PIEZO2: variants seen among roughly 807,000 people sequenced by gnomAD.
The protein encoded by PIEZO2 is piezo type mechanosensitive ion channel component 2, also known as piezo-type mechanosensitive ion channel component 2.
In PIEZO2, 172 loss-of-function variants were observed where a neutral mutation model predicts 337.3. The ratio of observed to expected loss-of-function variants is 0.51; its 90% CI spans 0.45 to 0.58. The LOEUF is 0.58. Among genes scored for constraint, PIEZO2 ranks in the 20% least tolerant of loss-of-function variants. PIEZO2 has a pLI of 0.00. For synonymous variants in PIEZO2, 1,251 were observed against 1,228.5 expected, an observed-to-expected ratio of 1.02 and a Z score of -0.38; for missense variants, 3,028 against 3,391.3, an observed-to-expected ratio of 0.89 and a Z score of 2.66.
At position 10,682,007 on chromosome 18, in the gene PIEZO2, G is replaced by A; in HGVS notation, c.7686+97C>T. 1 of 1,208,176 alleles carries A rather than the reference G, an allele frequency of 8.3e-7. No homozygotes were observed. The highest frequency in any genetic ancestry group is 1.1e-6 in the Non-Finnish European group (1 of 887,280). 74.8% of individuals were successfully genotyped at this position (1,208,176 alleles called of 1,614,324 possible). Reference sequence around the variant, plus strand: ...CTGAGCAGTCAAATGCCGACAGCAGGGTCGGCAGCCCATGACTAAACACCC... The same window carrying A: ...CTGAGCAGTCAAATGCCGACAGCAGAGTCGGCAGCCCATGACTAAACACCC... On this transcript the variant is annotated intron_variant, in intron 50 of 55. Transcript: ENST00000674853. The surrounding 1 kb of genome is among the most constrained non-coding windows in gnomAD (Gnocchi z 5.6).
Position 10,681,666 on chromosome 18 carries a change from C to T in PIEZO2, c.7774G>A (p.Asp2592Asn). The T allele has an allele frequency of 1.3e-6, 2 of 1,587,316 alleles. No homozygotes were observed. The highest frequency in any genetic ancestry group is 1.7e-6 in the Non-Finnish European group (2 of 1,155,834). Residue 2592 changes from aspartate (D) to asparagine (N), a missense_variant, in exon 51 of 56, where the codon GAC becomes AAC. Asp to Asn is a conservative substitution (Grantham distance 23). Transcript: ENST00000674853. ...TACTATAGGGATTTACTTACGGTGT[C>T]CCTAGAAAAAGCTTGTATAAATTTG... ...FNKFIQAFSR[D>N]TGAMQFLENY... is the part of the protein sequence containing the mutation.
At chr18:11,043,194 C>T (rs149580728) in intron 2 of PIEZO2, among the ~76,000 whole-genome samples, 2,850 of 151,864 alleles carry the variant, frequency 0.019, 37 homozygotes, top group Middle Eastern at 0.048. Context: ...CAAACTGAGC[C>T]AAGCAAATGG....
intron 4 of PIEZO2, among the ~76,000 whole-genome samples, chr18:10,896,608 A>T (rs1328156887): frequency 6.6e-6 from 1 of 152,218 alleles, no homozygotes; most frequent in African/African-American, 2.4e-5. Flanking sequence ...ATCTGGAAGA[A>T]GCCACTGGAA....
In PIEZO2 at chr18:10,726,677, G is replaced by A; in HGVS notation, c.5029+4730C>T. The A allele has an allele frequency of 2.1e-6, 3 of 1,429,896 alleles. No individual in the cohort carries two copies. The highest frequency in any genetic ancestry group is 2.9e-6 in the Non-Finnish European group (3 of 1,037,862). The allele number at this position is 1,429,896 out of a possible 1,614,324, so 88.6% of individuals were successfully genotyped here. A position where few individuals can be genotyped will look rare whatever the true frequency, so the allele number is the denominator to read the frequency against. On this transcript the variant is annotated intron_variant, in intron 36 of 55. Coordinates refer to ENST00000674853, the MANE Select transcript of PIEZO2 (RefSeq NM_001378183.1). The surrounding 1 kb of genome is among the most constrained non-coding windows in gnomAD (Gnocchi z 5.9). The stretch of plus-strand genomic sequence containing the variant: ...GGCCAGACAGACACCTCGCTGCCAA[G>A]TTAATTCAGCAAGGACCAGGTGTAC...
chr18:10,689,937 T>C lies in PIEZO2; in HGVS notation c.7350-135A>G, dbSNP rs75886155. 3.7e-3 allele frequency: 3,588 copies of C among 978,388 alleles called. 18 individuals carry two copies. Among genetic ancestry groups the C allele is most frequent in the Non-Finnish European group, 4.8e-3 (3,319 of 689,234 alleles). The allele number at this position is 978,388 out of a possible 1,614,324, so 60.6% of individuals were successfully genotyped here. On this transcript the variant is annotated intron_variant, in intron 48 of 55. Transcript: ENST00000674853. ...ACAATTCTCTAGGTGACCCTTCCAG[T>C]AAAACCCAACTTGGAACACAACTGC...
rs2040024535 is a variant in PIEZO2, at chr18:10,807,111, C to T, written c.1080+1G>A. 6.5e-7 allele frequency: 1 copy of T among 1,532,958 alleles called. No homozygotes were observed. The highest frequency in any genetic ancestry group is 8.7e-7 in the Non-Finnish European group (1 of 1,144,674). The allele number at this position is 1,532,958 out of a possible 1,614,324, so 95.0% of individuals were successfully genotyped here. On this transcript the variant is annotated splice_donor_variant, in intron 8 of 55. Coordinates refer to ENST00000674853, the MANE Select transcript of PIEZO2 (RefSeq NM_001378183.1). LOFTEE classifies it high-confidence loss of function. ...GATCATGAAAATGTTTTTGTCCTTA[C>T]AAGGGGCTCTTGCAGCCAGATGCGG...
intron 2 of PIEZO2, among the ~76,000 whole-genome samples, chr18:11,053,019 T>A (rs1598886944): frequency 6.6e-6 from 1 of 152,176 alleles, no homozygotes; most frequent in Non-Finnish European, 1.5e-5. Context: ...AGTGGCTGAG[T>A]GTGGCTCACC....
chr18:10,730,827 C>T (rs1410422783), intron 36 of PIEZO2, among the ~76,000 whole-genome samples: 1 of 152,040 alleles, frequency 6.6e-6, no homozygotes, highest in African/African-American at 2.4e-5. Context: ...CCCGGGTTCA[C>T]GCCGTTCTCC....
At position 10,682,634 on chromosome 18, in the gene PIEZO2, C is replaced by A. The variant is rs144038815; in HGVS notation, c.7498-342G>T. On this transcript the variant is annotated intron_variant, in intron 49 of 55. Transcript: ENST00000674853. The surrounding 1 kb of genome is among the most constrained non-coding windows in gnomAD (Gnocchi z 5.6). ...TCAAGTATCCGGCCGAATGAACCTT[C>A]TGGTTTTAAGGGATTATGTGAGAGA... is the stretch of plus-strand genomic sequence containing the variant. 6.0e-3 allele frequency among the ~76,000 whole-genome samples: 908 copies of A among 152,320 alleles called. 5 individuals carry two copies. The highest frequency in any genetic ancestry group is 0.01 in the Middle Eastern group (3 of 294).
At chr18:10,796,073 T>A (rs1356017383) in intron 12 of PIEZO2, among the ~76,000 whole-genome samples, 1 of 151,924 alleles carries the variant, frequency 6.6e-6, no homozygotes, top group East Asian at 1.9e-4. Flanking sequence ...GGTAAAACAT[T>A]ATTGCTGCTG....
chr18:10,849,038 GCT>G (rs1042716543), intron 7 of PIEZO2, among the ~76,000 whole-genome samples: 7 of 152,176 alleles, frequency 4.6e-5, no homozygotes, highest in Admixed American at 4.6e-4. Context: ...ACAGAATCTC[GCT>G]CTGTCACCTA....
chr18:11,145,030 C>T (rs934745769), intron 1 of PIEZO2, among the ~76,000 whole-genome samples: 5 of 151,976 alleles, frequency 3.3e-5, no homozygotes, highest in African/African-American at 4.8e-5. Flanking sequence ...AGAAACTAAA[C>T]GTAAAATATG....
At chr18:11,034,265 A>G (rs1298915290) in intron 2 of PIEZO2, among the ~76,000 whole-genome samples, 2 of 151,364 alleles carry the variant, frequency 1.3e-5, no homozygotes, top group African/African-American at 2.4e-5. Context: ...AGGGAAGTCT[A>G]TTTACTGATT....
chr18:10,740,786 G>A (rs2037185976), intron 33 of PIEZO2: 1 of 646,414 alleles, frequency 1.5e-6, no homozygotes, highest in Non-Finnish European at 2.8e-6. Context: ...GAGTCTATAA[G>A]CCACGTGTTT....
At chr18:10,939,308 T>C (rs2032586534) in intron 3 of PIEZO2, among the ~76,000 whole-genome samples, 1 of 152,128 alleles carries the variant, frequency 6.6e-6, no homozygotes, top group African/African-American at 2.4e-5. Context: ...AAATGTATAT[T>C]TGTGAGAGGC....
At chr18:10,743,948 T>C (rs779323797) in intron 31 of PIEZO2, among the ~76,000 whole-genome samples, 194 bp downstream of exon 31, 1 of 152,222 alleles carries the variant, frequency 6.6e-6, no homozygotes, top group Non-Finnish European at 1.5e-5. Flanking sequence ...GCGATCTTTC[T>C]GTTAAACTGC....
intron 4 of PIEZO2, among the ~76,000 whole-genome samples, chr18:10,885,331 G>C (rs1489055128): frequency 6.6e-6 from 1 of 152,156 alleles, no homozygotes; most frequent in Non-Finnish European, 1.5e-5. Flanking sequence ...GGCTGAGGCA[G>C]GAGAATGGCA....
At chr18:10,967,021 T>G (rs1250092055) in intron 3 of PIEZO2, among the ~76,000 whole-genome samples, 1 of 146,490 alleles carries the variant, frequency 6.8e-6, no homozygotes, top group African/African-American at 2.5e-5. Flanking sequence ...GTTTTTTGTT[T>G]TTTTTTTTTT....
In PIEZO2 at chr18:10,828,130, G is replaced by GTT. The variant is rs796837233; in HGVS notation, c.918-20858_918-20857dup. Among the ~76,000 whole-genome samples the GTT allele has an allele frequency of 1.7e-4, 14 of 81,880 alleles. No individual in the cohort carries two copies. Among genetic ancestry groups the GTT allele is most frequent in the African/African-American group, 9.5e-4 (14 of 14,738 alleles). 53.7% of individuals were successfully genotyped at this position (81,880 alleles called of 152,430 possible). ...ATAGCATGACGGTTTTTTTTTGTTT[G>GTT]TTTGTTTTTGTTTTTTTTTTTTTTT... On this transcript the variant is annotated intron_variant, in intron 7 of 55. Coordinates refer to ENST00000674853, the MANE Select transcript of PIEZO2 (RefSeq NM_001378183.1). The surrounding 1 kb of genome is among the most constrained non-coding windows in gnomAD (Gnocchi z 4.1).
Sources: gnomAD v4.1 joint callset for allele counts (sites outside exome capture counted in the v4.1 genomes callset) on GRCh38, gnomAD v4.1.1 for gene constraint, Gnocchi (gnomAD v3.1) non-coding constraint, MANE v1.5 for transcripts, NCBI Gene and HGNC (gene_info 2026-07-23, HGNC 2026-07-21) for gene names.